The following CHST9 variants were observed in gnomAD, a reference collection of about 807,000 sequenced individuals.
The protein encoded by CHST9 is carbohydrate sulfotransferase 9.
In CHST9, 41 loss-of-function variants were observed where a neutral mutation model predicts 44.4. The ratio of observed to expected loss-of-function variants is 0.92; its 90% CI spans 0.72 to 1.20. The LOEUF is 1.20. Ranked by LOEUF, CHST9 falls within the 50% of genes most tolerant of loss-of-function variation. The pLI, the probability that CHST9 is intolerant of heterozygous loss-of-function variation, is 0.00. For missense variants in CHST9, 504 were observed against 516.5 expected (o/e 0.98, Z 0.23); for synonymous variants, 171 against 178.4 (o/e 0.96, Z 0.33).
chr18:26,998,532 C>T (rs2056911685), intron 4 of CHST9, among the ~76,000 whole-genome samples: 2 of 151,888 alleles, frequency 1.3e-5, no homozygotes, highest in Admixed American at 1.3e-4. Context: ...TCGAGAGCAG[C>T]CTGGCCAACA....
intron 2 of CHST9, among the ~76,000 whole-genome samples, chr18:27,115,494 A>G (rs141177141): frequency 1.4e-4 from 22 of 152,110 alleles, no homozygotes; most frequent in South Asian, 6.2e-4. Flanking sequence ...TAAAATTCCA[A>G]TTTCTCCACA....
intron 5 of CHST9, among the ~76,000 whole-genome samples, chr18:26,927,820 T>C (rs895637187): frequency 6.6e-6 from 1 of 151,898 alleles, no homozygotes; most frequent in Non-Finnish European, 1.5e-5. Context: ...ACAGACCATT[T>C]ATGGGTGTCA....
intron 4 of CHST9, among the ~76,000 whole-genome samples, chr18:26,986,490 A>G (rs1435826616): frequency 6.6e-6 from 1 of 152,186 alleles, no homozygotes; most frequent in Non-Finnish European, 1.5e-5. Flanking sequence ...CTACCTGAAA[A>G]GAGGAGAGGA....
At chr18:27,051,128 C>T (rs542025857) in intron 2 of CHST9, among the ~76,000 whole-genome samples, 1 of 152,244 alleles carries the variant, frequency 6.6e-6, no homozygotes, top group East Asian at 1.9e-4. Flanking sequence ...ATTGTGGCTT[C>T]CAGTTTGGGT....
chr18:26,955,425 A>T (rs1437153654), intron 4 of CHST9, among the ~76,000 whole-genome samples: 2 of 152,086 alleles, frequency 1.3e-5, no homozygotes, highest in Non-Finnish European at 2.9e-5. Context: ...AATTTCTACC[A>T]TTTTTCCACT....
intron 5 of CHST9, among the ~76,000 whole-genome samples, chr18:26,919,268 G>C (rs2055600562): frequency 1.3e-5 from 2 of 152,204 alleles, no homozygotes; most frequent in South Asian, 2.1e-4. Flanking sequence ...CATACCATTG[G>C]ACCGTCTATT....
chr18:27,083,004 G>A (rs1161592880), intron 2 of CHST9, among the ~76,000 whole-genome samples: 1 of 151,970 alleles, frequency 6.6e-6, no homozygotes, highest in Non-Finnish European at 1.5e-5. Context: ...TAAAGTACAG[G>A]GTATTGCTCA....
chr18:27,173,016 T>C (rs1382628057), intron 1 of CHST9, among the ~76,000 whole-genome samples: 3 of 152,190 alleles, frequency 2.0e-5, no homozygotes, highest in Non-Finnish European at 2.9e-5. Flanking sequence ...TGATTAGAAA[T>C]ATTATATCAT....
chr18:26,941,061 G>A (rs143329849), intron 5 of CHST9, among the ~76,000 whole-genome samples: 4 of 152,306 alleles, frequency 2.6e-5, no homozygotes, highest in African/African-American at 4.8e-5. Flanking sequence ...TGCTGACCCC[G>A]TATTTTGTAT....
intron 4 of CHST9, among the ~76,000 whole-genome samples, chr18:27,020,574 C>T (rs554202494): frequency 6.6e-6 from 1 of 152,314 alleles, no homozygotes; most frequent in African/African-American, 2.4e-5. Flanking sequence ...TGTTTATATT[C>T]ATTATCTCCA....
chr18:26,939,003 A>G lies in CHST9; in HGVS notation c.240+5326T>C, dbSNP rs113664529. Among the ~76,000 whole-genome samples the G allele has an allele frequency of 4.7e-3, 715 of 152,328 alleles. 11 individuals are homozygous for G. Among genetic ancestry groups the G allele is most frequent in the South Asian group, 0.018 (86 of 4,820 alleles). Reference sequence around the variant, plus strand: ...GAATTTAGTGATCTGAAGAATTTACATTCTGCCAGCAGTTGATCGAGTTCT... The same window carrying G: ...GAATTTAGTGATCTGAAGAATTTACGTTCTGCCAGCAGTTGATCGAGTTCT... On this transcript the variant is annotated intron_variant, in intron 5 of 5. Coordinates refer to ENST00000618847, the MANE Select transcript of CHST9 (RefSeq NM_031422.6).
At chr18:26,943,583 T>C (rs12458362) in intron 5 of CHST9, among the ~76,000 whole-genome samples, 23,606 of 152,184 alleles carry the variant, frequency 0.16, 2,056 homozygotes, top group East Asian at 0.24. Flanking sequence ...AGCATATTTT[T>C]CCACAGGTCA....
intron 1 of CHST9, among the ~76,000 whole-genome samples, chr18:27,164,753 GA>G (rs1242779125): frequency 1.2e-4 from 19 of 152,186 alleles, no homozygotes; most frequent in Admixed American, 1.2e-3. Flanking sequence ...GGAGGATCAA[GA>G]ATCAAAATTG....
chr18:27,018,633 A>G (rs1488196944), intron 4 of CHST9, among the ~76,000 whole-genome samples: 1 of 152,164 alleles, frequency 6.6e-6, no homozygotes, highest in Non-Finnish European at 1.5e-5. Context: ...TAGGCTACAA[A>G]TCTGAAGATT....
chr18:27,053,491 T>C (rs1313281180), intron 2 of CHST9, among the ~76,000 whole-genome samples: 1 of 152,158 alleles, frequency 6.6e-6, no homozygotes, highest in Non-Finnish European at 1.5e-5. Context: ...TTCCCCTCCA[T>C]CAGGACTTTG....
At chr18:27,162,755 G>A (rs981418847) in intron 1 of CHST9, among the ~76,000 whole-genome samples, 9 of 152,074 alleles carry the variant, frequency 5.9e-5, no homozygotes, top group African/African-American at 1.7e-4. Flanking sequence ...CCATGGCTTC[G>A]AACTTCCTCC....
At chr18:27,177,230 A>G (rs2058875420) in intron 1 of CHST9, among the ~76,000 whole-genome samples, 1 of 152,046 alleles carries the variant, frequency 6.6e-6, no homozygotes, top group South Asian at 2.1e-4. Flanking sequence ...TCTTTTGGGG[A>G]AAAAAATTAC....
chr18:27,015,097 T>A, intron 4 of CHST9, among the ~76,000 whole-genome samples: 1 of 152,158 alleles, frequency 6.6e-6, no homozygotes, highest in Non-Finnish European at 1.5e-5. Context: ...TTATGGTCAT[T>A]TGCAGATATC....
chr18:26,943,039 C>T (rs566814137), intron 5 of CHST9, among the ~76,000 whole-genome samples: 91 of 151,994 alleles, frequency 6.0e-4, no homozygotes, highest in African/African-American at 2.2e-3. Flanking sequence ...ACCTGGGAGG[C>T]GGAGGTTGCA....
Sources: gnomAD v4.1 joint callset for allele counts (sites outside exome capture counted in the v4.1 genomes callset) on GRCh38, gnomAD v4.1.1 for gene constraint, MANE v1.5 for transcripts, NCBI Gene and HGNC (gene_info 2026-07-23, HGNC 2026-07-21) for gene names.